The following NRG1 variants were observed in gnomAD, a reference collection of about 807,000 sequenced individuals.
NRG1 encodes pro-neuregulin-1, membrane-bound isoform.
A neutral mutation model predicts 63.8 loss-of-function variants in NRG1; 18 were observed. The ratio of observed to expected loss-of-function variants is 0.28; its 90% CI spans 0.19 to 0.42. NRG1 has a LOEUF of 0.42. NRG1 is among the 10% of genes least tolerant of loss of function. NRG1 has a pLI of 1.00. For synonymous variants in NRG1, 302 were observed against 301.3 expected (o/e 1.00, Z -0.02); for missense variants, 762 against 814.7 (o/e 0.94, Z 0.79).
intron 1 of NRG1, among the ~76,000 whole-genome samples, chr8:32,319,578 T>C (rs1208275147): frequency 6.6e-6 from 1 of 152,066 alleles, no homozygotes; most frequent in Non-Finnish European, 1.5e-5. Context: ...ATTGGGAAAA[T>C]TGTTGGAGAA....
intron 1 of NRG1, among the ~76,000 whole-genome samples, chr8:31,897,114 C>T (rs1831634758): frequency 6.6e-6 from 1 of 152,146 alleles, no homozygotes; most frequent in South Asian, 2.1e-4. Flanking sequence ...AAGAGGAAAA[C>T]TATGTAAACT....
chr8:32,368,773 C>T (rs1380154775), intron 1 of NRG1, among the ~76,000 whole-genome samples: 3 of 152,116 alleles, frequency 2.0e-5, no homozygotes, highest in African/African-American at 7.2e-5. Flanking sequence ...ATTTCATTTA[C>T]CCTCTGCCAC....
chr8:31,915,894 A>C (rs1833342275), intron 1 of NRG1, among the ~76,000 whole-genome samples: 1 of 152,110 alleles, frequency 6.6e-6, no homozygotes, highest in Non-Finnish European at 1.5e-5. Flanking sequence ...TTATTTTTTA[A>C]GAAACATGTT....
At chr8:31,941,072 G>A (rs1186174080) in intron 1 of NRG1, among the ~76,000 whole-genome samples, 1 of 29,012 alleles carries the variant, frequency 3.4e-5, no homozygotes, top group Non-Finnish European at 7.9e-5. Context: ...TCACCCTAAT[G>A]CCAAAGCCAG....
intron 1 of NRG1, among the ~76,000 whole-genome samples, chr8:32,366,822 T>G (rs958303728): frequency 2.6e-5 from 4 of 151,282 alleles, no homozygotes; most frequent in Non-Finnish European, 5.9e-5. Context: ...GGGATTCTCA[T>G]GCCTCAGTCT....
chr8:31,866,626 T>G (rs976325590), intron 1 of NRG1, among the ~76,000 whole-genome samples: 2 of 151,974 alleles, frequency 1.3e-5, no homozygotes, highest in African/African-American at 2.4e-5. Context: ...TATTAGAGAG[T>G]TTATTGTGTA....
At chr8:31,708,030 T>G (rs2131231401) in intron 1 of NRG1, among the ~76,000 whole-genome samples, 1 of 152,242 alleles carries the variant, frequency 6.6e-6, no homozygotes, top group South Asian at 2.1e-4. Flanking sequence ...ATGATAATGG[T>G]TTTTGGTCTC....
chr8:31,861,602 AT>A (rs1214465300), intron 1 of NRG1, among the ~76,000 whole-genome samples: 1 of 152,190 alleles, frequency 6.6e-6, no homozygotes, highest in Non-Finnish European at 1.5e-5. Flanking sequence ...AGCTGGAAGT[AT>A]AATCTTCCAT....
intron 1 of NRG1, among the ~76,000 whole-genome samples, chr8:32,346,250 T>C (rs1804879923): frequency 6.7e-6 from 1 of 148,262 alleles, no homozygotes; most frequent in South Asian, 2.1e-4. Context: ...TGAAAATATA[T>C]TCACATGTTA....
chr8:32,366,761 G>T (rs1317639608), intron 1 of NRG1, among the ~76,000 whole-genome samples: 2 of 145,324 alleles, frequency 1.4e-5, no homozygotes, highest in Non-Finnish European at 3.0e-5. Context: ...GCCCAGGCTG[G>T]AGTGCAGTGG....
intron 1 of NRG1, among the ~76,000 whole-genome samples, chr8:31,888,562 A>C (rs911054401): frequency 2.6e-5 from 4 of 152,098 alleles, no homozygotes; most frequent in African/African-American, 9.7e-5. Flanking sequence ...TCTTCTCTTG[A>C]ATAGGTCAGT....
intron 1 of NRG1, among the ~76,000 whole-genome samples, chr8:31,740,809 A>G (rs1815192536): frequency 6.6e-6 from 1 of 152,024 alleles, no homozygotes; most frequent in African/African-American, 2.4e-5. Flanking sequence ...AAGTTAAGAC[A>G]AGAACTCTGG....
At chr8:32,239,469 C>A (rs1847895853) in intron 1 of NRG1, among the ~76,000 whole-genome samples, 1 of 151,658 alleles carries the variant, frequency 6.6e-6, no homozygotes, top group South Asian at 2.1e-4. Flanking sequence ...AGGTGAAGAA[C>A]TTCTAGACTT....
intron 1 of NRG1, among the ~76,000 whole-genome samples, chr8:32,349,078 C>A (rs1225740570): frequency 2.0e-5 from 3 of 152,182 alleles, no homozygotes; most frequent in Non-Finnish European, 4.4e-5. Flanking sequence ...TTGAGTGGGA[C>A]TGCCTTCTGC....
chr8:31,724,562 T>C (rs1184826460), intron 1 of NRG1, among the ~76,000 whole-genome samples: 1 of 152,150 alleles, frequency 6.6e-6, no homozygotes, highest in Non-Finnish European at 1.5e-5. Context: ...CCTGATTTTA[T>C]GCAAATTACT....
chr8:31,764,008 A>G (rs1465800784), intron 1 of NRG1, among the ~76,000 whole-genome samples: 1 of 150,720 alleles, frequency 6.6e-6, no homozygotes, highest in Non-Finnish European at 1.5e-5. Context: ...TCCATCTCAA[A>G]AAAAAAAAAA....
chr8:32,319,449 G>T (rs1400546589), intron 1 of NRG1, among the ~76,000 whole-genome samples: 1 of 152,172 alleles, frequency 6.6e-6, no homozygotes, highest in African/African-American at 2.4e-5. Flanking sequence ...TTCAAGAGGA[G>T]AAGAAGGCTG....
intron 5 of NRG1, chr8:32,647,691 G>C: frequency 6.5e-7 from 1 of 1,526,830 alleles, no homozygotes; most frequent in Non-Finnish European, 8.8e-7. Flanking sequence ...CGTGAGAGCG[G>C]CCAGGCCTTC....
At chr8:32,367,896 C>T (rs1266699314) in intron 1 of NRG1, among the ~76,000 whole-genome samples, 3 of 152,090 alleles carry the variant, frequency 2.0e-5, no homozygotes, top group Non-Finnish European at 4.4e-5. Context: ...TATGGATGTC[C>T]AGTTTTCTCA....
Sources: gnomAD v4.1 joint callset for allele counts (sites outside exome capture counted in the v4.1 genomes callset) on GRCh38, gnomAD v4.1.1 for gene constraint, MANE v1.5 for transcripts, NCBI Gene and HGNC (gene_info 2026-07-23, HGNC 2026-07-21) for gene names.